PTPRG: variants seen among roughly 807,000 people sequenced by gnomAD.
The protein encoded by PTPRG is protein tyrosine phosphatase receptor type G.
A neutral mutation model predicts 165.3 loss-of-function variants in PTPRG; 102 were observed. That is an observed-to-expected ratio of 0.62 (90% CI 0.53 to 0.73). The LOEUF (loss-of-function observed/expected upper bound fraction) is 0.73. Ranked by LOEUF, PTPRG falls within the 30% of genes least tolerant of loss-of-function variation. The pLI is 0.00. For synonymous variants in PTPRG, 675 were observed against 669.5 expected (o/e 1.01, Z -0.13); for missense variants, 1,866 against 1,861.4 (o/e 1.00, Z -0.05).
At chr3:61,890,684 TA>T (rs2038189172) in intron 2 of PTPRG, among the ~76,000 whole-genome samples, 1 of 152,132 alleles carries the variant, frequency 6.6e-6, no homozygotes, top group Non-Finnish European at 1.5e-5. Flanking sequence ...GTTTTCAGTG[TA>T]AAAATTGACT....
At chr3:61,599,858 T>G (rs1208593960) in intron 1 of PTPRG, among the ~76,000 whole-genome samples, 3 of 152,030 alleles carry the variant, frequency 2.0e-5, no homozygotes, top group South Asian at 2.1e-4. Context: ...AAAGGCTTTA[T>G]AATAGAATAG....
At chr3:61,569,391 T>C (rs951819413) in intron 1 of PTPRG, among the ~76,000 whole-genome samples, 1 of 152,230 alleles carries the variant, frequency 6.6e-6, no homozygotes, top group African/African-American at 2.4e-5. Context: ...CTAAAGTCTT[T>C]GTGAGGCTTG....
At chr3:62,176,084 G>A (rs1230592553) in intron 8 of PTPRG, among the ~76,000 whole-genome samples, 1 of 152,166 alleles carries the variant, frequency 6.6e-6, no homozygotes, top group African/African-American at 2.4e-5. Context: ...TTATTGTTCT[G>A]GCTGTTATGT....
chr3:61,997,028 A>G (rs2107709808), intron 3 of PTPRG, among the ~76,000 whole-genome samples: 1 of 152,332 alleles, frequency 6.6e-6, no homozygotes, highest in African/African-American at 2.4e-5. Flanking sequence ...GTTCTCTGCT[A>G]GACTCCTCCA....
intron 2 of PTPRG, among the ~76,000 whole-genome samples, chr3:61,846,183 C>G (rs891973107): frequency 3.3e-5 from 5 of 152,118 alleles, no homozygotes; most frequent in African/African-American, 9.7e-5. Flanking sequence ...ATTTGATTTG[C>G]TGTATTTTAT....
chr3:61,607,985 C>T (rs1296302582), intron 1 of PTPRG, among the ~76,000 whole-genome samples: 1 of 152,094 alleles, frequency 6.6e-6, no homozygotes, highest in Non-Finnish European at 1.5e-5. Context: ...ACATCTTAAA[C>T]TTTACCTAAT....
At position 62,172,968 on chromosome 3, in the gene PTPRG, A is replaced by G. The variant is rs543841742; in HGVS notation, c.1033+4805A>G. 2.3e-4 allele frequency among the ~76,000 whole-genome samples: 35 copies of G among 152,250 alleles called. 1 individual carries two copies. The South Asian group carries it at 6.8e-3, about 30-fold the overall frequency. ...TTTTTGGTTAAGGGCCAGATAGTAA[A>G]TGTTTTTGGCTTTGTTGGCCATATG... On this transcript the variant is annotated intron_variant, in intron 8 of 29. Transcript: ENST00000474889.
intron 2 of PTPRG, among the ~76,000 whole-genome samples, chr3:61,932,718 T>C (rs1380034579): frequency 2.0e-5 from 3 of 152,198 alleles, no homozygotes; most frequent in Non-Finnish European, 4.4e-5. Flanking sequence ...TTTGAACCCA[T>C]GTCTTTTGAC....
chr3:61,921,760 A>AATTTTCAG (rs1344332224), intron 2 of PTPRG, among the ~76,000 whole-genome samples: 3 of 152,258 alleles, frequency 2.0e-5, no homozygotes, highest in Admixed American at 1.3e-4. Flanking sequence ...CAAAATCTGA[A>AATTTTCAG]ATTTTGGATT....
At chr3:61,773,892 A>T (rs1378793792) in intron 2 of PTPRG, among the ~76,000 whole-genome samples, 3 of 151,804 alleles carry the variant, frequency 2.0e-5, no homozygotes, top group Non-Finnish European at 4.4e-5. Context: ...CTCCTGCCTC[A>T]GCCTCCCAAC....
chr3:62,269,235 C>T, intron 20 of PTPRG, 66 bp downstream of exon 20: 1 of 1,430,156 alleles, frequency 7.0e-7, no homozygotes, highest in South Asian at 1.6e-5. Context: ...AATTACTGTA[C>T]AACCAAGGCC....
At chr3:61,782,839 G>T (rs1213426938) in intron 2 of PTPRG, among the ~76,000 whole-genome samples, 1 of 152,102 alleles carries the variant, frequency 6.6e-6, no homozygotes, top group Non-Finnish European at 1.5e-5. Flanking sequence ...GTCTCATTCT[G>T]TTGCCCAGGT....
At chr3:62,135,921 C>T (rs756014989) in intron 6 of PTPRG, among the ~76,000 whole-genome samples, 3 of 152,160 alleles carry the variant, frequency 2.0e-5, no homozygotes, top group Non-Finnish European at 2.9e-5. Flanking sequence ...CTCTTGTTCC[C>T]CACCATGTGT....
chr3:61,950,734 A>G (rs1192857064), intron 2 of PTPRG, among the ~76,000 whole-genome samples: 1 of 152,152 alleles, frequency 6.6e-6, no homozygotes. Context: ...CCCCTTTAGT[A>G]TTTTACCATG....
At chr3:61,933,596 C>T (rs2039414235) in intron 2 of PTPRG, among the ~76,000 whole-genome samples, 1 of 152,176 alleles carries the variant, frequency 6.6e-6, no homozygotes, top group South Asian at 2.1e-4. Context: ...TGTCACTCCT[C>T]CATGCTTTAC....
chr3:61,652,819 A>G, intron 1 of PTPRG, among the ~76,000 whole-genome samples: 1 of 152,328 alleles, frequency 6.6e-6, no homozygotes, highest in South Asian at 2.1e-4. Context: ...ATCCAGGGGT[A>G]GTCAAATGCC....
chr3:61,582,458 G>A (rs1265791117), intron 1 of PTPRG, among the ~76,000 whole-genome samples: 1 of 152,164 alleles, frequency 6.6e-6, no homozygotes. Flanking sequence ...TTCTCTAGGG[G>A]GGAATGGGGA....
At chr3:61,606,455 C>G (rs370553963) in intron 1 of PTPRG, among the ~76,000 whole-genome samples, 10 of 152,210 alleles carry the variant, frequency 6.6e-5, no homozygotes, top group South Asian at 4.1e-4. Context: ...GTCAGCTGAT[C>G]AGGGCCATTG....
intron 2 of PTPRG, among the ~76,000 whole-genome samples, chr3:61,783,104 C>A (rs1280630629): frequency 6.6e-6 from 1 of 152,212 alleles, no homozygotes; most frequent in African/African-American, 2.4e-5. Context: ...GCACACCCAG[C>A]TCAGTTTGGT....
Sources: allele counts gnomAD v4.1 joint callset (sites outside exome capture counted in the v4.1 genomes callset), GRCh38; gene constraint gnomAD v4.1.1; transcripts MANE v1.5; gene names NCBI Gene and HGNC (gene_info 2026-07-23, HGNC 2026-07-21).